Variants in ACSS1 observed in about 807,000 individuals in gnomAD.
ACSS1 encodes the protein acyl-CoA synthetase short chain family member 1, also known as acetyl-coenzyme A synthetase 2-like, mitochondrial.
In ACSS1, 42 loss-of-function variants were observed where a neutral mutation model predicts 75.3. The ratio of observed to expected loss-of-function variants is 0.56; its 90% CI spans 0.44 to 0.72. The LOEUF is 0.72. Among genes scored for constraint, ACSS1 ranks in the 30% least tolerant of loss-of-function variants. The pLI is 0.00. For missense variants in ACSS1, 782 were observed against 935.7 expected, an observed-to-expected ratio of 0.84 and a Z score of 2.14; for synonymous variants, 380 against 376.8, an observed-to-expected ratio of 1.01 and a Z score of -0.10.
At position 25,013,579 on chromosome 20, in the gene ACSS1, G is replaced by A. The variant is rs145378751; in HGVS notation, c.1536C>T (p.Gly512=). The A allele has an allele frequency of 4.2e-5, 68 of 1,607,244 alleles. No individual in the cohort carries two copies. Among genetic ancestry groups the A allele is most frequent in the Admixed American group, 1.7e-4 (10 of 59,820 alleles). ...AGGCGTCCACAAATCGCTGGTGGTC[G>A]CCATAGATGGTCCTGGCCATGCCCG... ...AWPGMARTIY[G]DHQRFVDAYF... The change falls in exon 10 of 14, where the codon GGC becomes GGT. Residue 512 remains glycine (G), a synonymous_variant. Coordinates refer to ENST00000323482, the MANE Select transcript of ACSS1 (RefSeq NM_032501.4).
chr20:25,009,884 C>T (rs893865066), intron 12 of ACSS1: 2 of 156,326 alleles, frequency 1.3e-5, no homozygotes, highest in Non-Finnish European at 2.8e-5. Context: ...AGCCACACTT[C>T]AAGTGCCATT....
At chr20:25,047,934 G>A (rs903322068) in intron 2 of ACSS1, 151 bp downstream of exon 2, 11 of 599,046 alleles carry the variant, frequency 1.8e-5, no homozygotes, top group East Asian at 5.7e-5. Flanking sequence ...TTCTGCTTGC[G>A]TTCACATTTA....
At chr20:25,039,991 G>T (rs1350985787) in intron 2 of ACSS1, among the ~76,000 whole-genome samples, 1 of 152,260 alleles carries the variant, frequency 6.6e-6, no homozygotes, top group Non-Finnish European at 1.5e-5. Context: ...CTGGAAGCCA[G>T]CCCCGAGAAC....
Position 25,013,611 on chromosome 20 carries a change from C to G in ACSS1, c.1504G>C (p.Ala502Pro). ...NVSGALCISQAWPGMARTIYG... is the reference protein window; with the variant it reads ...NVSGALCISQPWPGMARTIYG... ...ATGGTCCTGGCCATGCCCGGCCAGG[C>G]CTGGGAGATGCACAGGGCCCCGGAG... is the stretch of plus-strand genomic sequence containing the variant. The change falls in exon 10 of 14, where the codon GCC (alanine) becomes CCC (proline). Residue 502 changes from alanine to proline, a missense_variant. Physicochemically the swap from Ala to Pro is conservative, Grantham distance 27. Coordinates refer to ENST00000323482, the MANE Select transcript of ACSS1 (RefSeq NM_032501.4). 1 of 1,610,654 alleles carries G rather than the reference C, an allele frequency of 6.2e-7. No individual in the cohort carries two copies. Among genetic ancestry groups the G allele is most frequent in the Non-Finnish European group, 8.5e-7 (1 of 1,178,022 alleles).
intron 1 of ACSS1, among the ~76,000 whole-genome samples, chr20:25,056,720 T>C (rs1371230079): frequency 2.0e-5 from 3 of 152,144 alleles, no homozygotes; most frequent in Non-Finnish European, 4.4e-5. Flanking sequence ...GGGGCCCTGG[T>C]GACCCTGCCA....
At chr20:25,040,301 C>T (rs6083725) in intron 2 of ACSS1, among the ~76,000 whole-genome samples, 18,008 of 152,250 alleles carry the variant, frequency 0.12, 1,137 homozygotes, top group Middle Eastern at 0.14. Context: ...TCACACAGAA[C>T]GCTCCAGAGC....
chr20:25,036,963 A>AAG (rs1555853735), intron 2 of ACSS1, among the ~76,000 whole-genome samples: 1 of 146,372 alleles, frequency 6.8e-6, no homozygotes, highest in Non-Finnish European at 1.5e-5. Context: ...AAAAAAAAAA[A>AAG]AAGAAGAAGA....
intron 1 of ACSS1, among the ~76,000 whole-genome samples, chr20:25,049,803 G>A (rs1209915425): frequency 1.3e-5 from 2 of 151,990 alleles, no homozygotes; most frequent in Non-Finnish European, 2.9e-5. Flanking sequence ...TGGATTCAAC[G>A]CAGGCAGATT....
chr20:25,008,090 G>C, intron 13 of ACSS1, 149 bp from the exon 14 acceptor site: 3 of 1,059,258 alleles, frequency 2.8e-6, no homozygotes, highest in Non-Finnish European at 2.7e-6. Context: ...CCCAGAGAAC[G>C]GTGAGGCCCG....
chr20:25,010,179 T>C (rs1408677647), intron 12 of ACSS1: 1 of 152,494 alleles, frequency 6.6e-6, no homozygotes, highest in Non-Finnish European at 1.5e-5. Flanking sequence ...CTTCTATATA[T>C]GTGTGGCTCT....
chr20:25,027,525 G>A (rs979054270), intron 3 of ACSS1, among the ~76,000 whole-genome samples: 2 of 152,036 alleles, frequency 1.3e-5, no homozygotes, highest in African/African-American at 4.8e-5. Flanking sequence ...CTACTACAAT[G>A]AAGGAAAAAA....
intron 7 of ACSS1, among the ~76,000 whole-genome samples, 168 bp from the exon 8 acceptor site, chr20:25,015,398 C>T (rs1440705265): frequency 6.6e-6 from 1 of 152,170 alleles, no homozygotes; most frequent in Admixed American, 6.5e-5. Flanking sequence ...CAGGTTCAAG[C>T]GATTCTCCTG....
Position 25,007,409 on chromosome 20 carries a change from G to A in ACSS1, c.*353C>T, listed in dbSNP as rs2088327156. On this transcript the variant is annotated 3_prime_UTR_variant, in exon 14 of 14. Transcript: ENST00000323482. ...AAACACGGTTGCTACTAGCTAACTAGCTCTGTGTTATCTGAGCAGGCGCGC... is the reference window on the plus strand; with the variant it reads ...AAACACGGTTGCTACTAGCTAACTAACTCTGTGTTATCTGAGCAGGCGCGC... 8.8e-7 allele frequency: 1 copy of A among 1,133,686 alleles called. No homozygotes were observed. Among genetic ancestry groups the A allele is most frequent in the South Asian group, 3.0e-5 (1 of 33,650 alleles). 70.2% of individuals were successfully genotyped at this position (1,133,686 alleles called of 1,614,324 possible).
chr20:25,045,855 T>C (rs1417283230), intron 2 of ACSS1: 1 of 152,240 alleles, frequency 6.6e-6, no homozygotes, highest in East Asian at 1.9e-4. Flanking sequence ...AAACAGTAAA[T>C]AGAAATGGTC....
intron 1 of ACSS1, among the ~76,000 whole-genome samples, chr20:25,052,712 A>G (rs1480354310): frequency 6.6e-6 from 1 of 152,230 alleles, no homozygotes; most frequent in Non-Finnish European, 1.5e-5. Flanking sequence ...GGGACCACCA[A>G]CCACTTCATG....
In ACSS1 at chr20:25,045,411, C is replaced by T. The variant is rs978737476; in HGVS notation, c.431+2674G>A. On this transcript the variant is annotated intron_variant, in intron 2 of 13. Transcript: ENST00000323482. Reference sequence around the variant, plus strand: ...GCATCTGCCTGTGCTGACCCAGCGTCACCTGTGCCTAAGGTCACGGTGGGG... The same window carrying T: ...GCATCTGCCTGTGCTGACCCAGCGTTACCTGTGCCTAAGGTCACGGTGGGG... Among the ~76,000 whole-genome samples the T allele has an allele frequency of 2.0e-5, 3 of 152,350 alleles. No homozygotes were observed. The East Asian group carries it at 5.8e-4, about 29-fold the overall frequency.
At chr20:25,039,559 G>C (rs896227934) in intron 2 of ACSS1, among the ~76,000 whole-genome samples, 1 of 152,216 alleles carries the variant, frequency 6.6e-6, no homozygotes, top group South Asian at 2.1e-4. Flanking sequence ...GGACAGGGCC[G>C]AGGGTGGGTG....
chr20:25,022,577 G>A (rs999475624), intron 5 of ACSS1, among the ~76,000 whole-genome samples: 3 of 152,220 alleles, frequency 2.0e-5, no homozygotes, highest in African/African-American at 7.2e-5. Context: ...TCCACTTCTT[G>A]ATCAAAGTGG....
intron 1 of ACSS1, among the ~76,000 whole-genome samples, chr20:25,050,964 A>G (rs1332103400): frequency 2.0e-5 from 3 of 152,118 alleles, no homozygotes; most frequent in Admixed American, 1.3e-4. Flanking sequence ...AGATCAGAAC[A>G]GAGCCCCAAA....
Sources: gnomAD v4.1 joint callset for allele counts (sites outside exome capture counted in the v4.1 genomes callset) on GRCh38, gnomAD v4.1.1 for gene constraint, MANE v1.5 for transcripts, NCBI Gene and HGNC (gene_info 2026-07-23, HGNC 2026-07-21) for gene names.